COL15A1: variants seen among roughly 807,000 people sequenced by gnomAD.
The protein encoded by COL15A1 is collagen type XV alpha 1 chain.
A neutral mutation model predicts 165.9 loss-of-function variants in COL15A1; 111 were observed. That is an observed-to-expected ratio of 0.67 (90% CI 0.57 to 0.78). COL15A1 has a LOEUF of 0.78. Ranked by LOEUF, COL15A1 falls within the 30% of genes least tolerant of loss-of-function variation. The probability of loss-of-function intolerance (pLI) is 0.00; values close to 1 mark genes in which losing one functional copy is unlikely to be tolerated. For synonymous variants in COL15A1, 659 were observed against 674.8 expected (o/e 0.98, Z 0.36); for missense variants, 1,745 against 1,789.7 (o/e 0.98, Z 0.45).
intron 16 of COL15A1, among the ~76,000 whole-genome samples, chr9:99,030,444 A>G (rs1270425742): frequency 2.0e-5 from 3 of 152,178 alleles, no homozygotes; most frequent in South Asian, 4.1e-4. Context: ...GCCTGTTCAC[A>G]TAAGTTCCAG....
Position 99,049,696 on chromosome 9 carries a change from C to A in COL15A1, c.2800C>A (p.Pro934Thr). Residue 934 changes from proline (P) to threonine (T), a missense_variant, in exon 29 of 42, where the codon CCT (proline) becomes ACT (threonine). Physicochemically the swap from Pro to Thr is conservative, Grantham distance 38. Coordinates refer to ENST00000375001, the MANE Select transcript of COL15A1 (RefSeq NM_001855.5). The part of the protein sequence containing the change: ...GDPGVIMQGP[P>T]GLPGPPGPPG... ...CCTTTTTTTCTTCCTTCAGGGCCCA[C>A]CTGGCTTACCTGGCCCTCCAGGCCC... The A allele has an allele frequency of 6.2e-7, 1 of 1,613,428 alleles. No individual in the cohort carries two copies. The highest frequency in any genetic ancestry group is 1.8e-4 in the Middle Eastern group (1 of 5,452).
chr9:99,038,152 G>T (rs867096248), intron 21 of COL15A1, among the ~76,000 whole-genome samples: 1 of 152,110 alleles, frequency 6.6e-6, no homozygotes, highest in Non-Finnish European at 1.5e-5. Context: ...TATGTGTAAG[G>T]GTGTGGGGAA....
intron 16 of COL15A1, among the ~76,000 whole-genome samples, chr9:99,031,362 A>G (rs768502914): frequency 6.6e-6 from 1 of 152,160 alleles, no homozygotes; most frequent in Non-Finnish European, 1.5e-5. Flanking sequence ...CCCCCAGGTG[A>G]GAGGCATTTG....
chr9:99,055,239 A>G (rs764571495), intron 33 of COL15A1, 23 bp from the exon 34 acceptor site: 16 of 1,593,940 alleles, frequency 1.0e-5, no homozygotes, highest in Non-Finnish European at 9.5e-6. Context: ...TTACTGAAAT[A>G]TTCCTGTGTT....
chr9:99,013,669 A>G (rs752323128), intron 9 of COL15A1, among the ~76,000 whole-genome samples: 2 of 152,172 alleles, frequency 1.3e-5, no homozygotes, highest in Middle Eastern at 3.2e-3. Flanking sequence ...GTATAAGGTA[A>G]TCTCTGGTAC....
At chr9:99,040,375 C>T (rs1034262979) in intron 22 of COL15A1, 146 bp from the exon 23 acceptor site, 1 of 1,311,128 alleles carries the variant, frequency 7.6e-7, no homozygotes, top group Non-Finnish European at 1.1e-6. Context: ...CTCACAGGGC[C>T]CCTTCTTCCC....
intron 2 of COL15A1, among the ~76,000 whole-genome samples, chr9:98,959,227 C>CAAAAAAAAAAAAAA (rs60892848): frequency 1.4e-5 from 1 of 73,232 alleles, no homozygotes; most frequent in Non-Finnish European, 2.6e-5. Context: ...CCTGTCTCTA[C>CAAAAAAAAAAAAAA]AAAAAAAAAA....
intron 6 of COL15A1, among the ~76,000 whole-genome samples, chr9:98,999,457 T>C (rs1838609737): frequency 6.6e-6 from 1 of 151,536 alleles, no homozygotes; most frequent in African/African-American, 2.4e-5. Flanking sequence ...TGGGACAATC[T>C]TGGCATGGGC....
chr9:98,957,917 C>T (rs1837802437), intron 2 of COL15A1, among the ~76,000 whole-genome samples: 1 of 152,202 alleles, frequency 6.6e-6, no homozygotes, highest in East Asian at 1.9e-4. Context: ...TGGTCTCAAA[C>T]TCCTGGTACA....
intron 35 of COL15A1, among the ~76,000 whole-genome samples, chr9:99,058,319 G>A (rs771346250): frequency 4.6e-5 from 7 of 152,176 alleles, no homozygotes; most frequent in East Asian, 1.9e-4. Context: ...CCAGGAGGTC[G>A]GATCACATGA....
intron 2 of COL15A1, among the ~76,000 whole-genome samples, chr9:98,981,737 G>A (rs1385466237): frequency 2.0e-5 from 3 of 152,190 alleles, no homozygotes; most frequent in Non-Finnish European, 4.4e-5. Context: ...AGAGTTCATG[G>A]GAGCTTCAGC....
At chr9:98,990,711 C>T (rs2118904517) in intron 5 of COL15A1, among the ~76,000 whole-genome samples, 1 of 152,224 alleles carries the variant, frequency 6.6e-6, no homozygotes, top group Admixed American at 6.5e-5. Context: ...TGGGAGGGGG[C>T]ACCAGAGCTG....
At chr9:99,061,260 G>A (rs899025559) in intron 36 of COL15A1, among the ~76,000 whole-genome samples, 1 of 152,132 alleles carries the variant, frequency 6.6e-6, no homozygotes, top group African/African-American at 2.4e-5. Context: ...TTCAAGGCTA[G>A]GTGAAAATTA....
At position 98,952,719 on chromosome 9, in the gene COL15A1, C is replaced by T. The variant is rs1837710004; in HGVS notation, c.100+8469C>T. Among the ~76,000 whole-genome samples the T allele has an allele frequency of 3.9e-5, 6 of 152,212 alleles. No individual in the cohort carries two copies. The South Asian group carries it at 1.2e-3, about 32-fold the overall frequency. ...GGTATAATCTAAAGCCAGTTCTTTTCCAAAGTGGTCCCCAGGTTTCCCCCA... is the reference window on the plus strand; with the variant it reads ...GGTATAATCTAAAGCCAGTTCTTTTTCAAAGTGGTCCCCAGGTTTCCCCCA... On this transcript the variant is annotated intron_variant, in intron 2 of 41. Coordinates refer to ENST00000375001, the MANE Select transcript of COL15A1 (RefSeq NM_001855.5).
chr9:99,004,759 G>A, intron 8 of COL15A1, 139 bp from the exon 9 acceptor site: 1 of 902,244 alleles, frequency 1.1e-6, no homozygotes, highest in Non-Finnish European at 1.8e-6. Flanking sequence ...TCTGTCTGAT[G>A]TCTCACTGTG....
intron 9 of COL15A1, among the ~76,000 whole-genome samples, chr9:99,010,314 C>T (rs1002267319): frequency 6.6e-6 from 1 of 152,190 alleles, no homozygotes; most frequent in Non-Finnish European, 1.5e-5. Context: ...ATGTAACCTG[C>T]CATGATCCCT....
Position 99,069,929 on chromosome 9 carries a change from T to C in COL15A1, c.*43T>C. On this transcript the variant is annotated 3_prime_UTR_variant, in exon 42 of 42. Coordinates refer to ENST00000375001, the MANE Select transcript of COL15A1 (RefSeq NM_001855.5). Reference sequence around the variant, plus strand: ...TTAAAGAGTTTTCAATTTTTTCTTATGTGAAGAGTTGACACTGAAATCTAA... The same window carrying C: ...TTAAAGAGTTTTCAATTTTTTCTTACGTGAAGAGTTGACACTGAAATCTAA... The C allele has an allele frequency of 1.4e-6, 2 of 1,478,360 alleles. No individual in the cohort carries two copies. The highest frequency in any genetic ancestry group is 2.3e-5 in the East Asian group (1 of 43,446). 91.6% of individuals were successfully genotyped at this position (1,478,360 alleles called of 1,614,324 possible). A position where few individuals can be genotyped will look rare whatever the true frequency, so the allele number is the denominator to read the frequency against.
Position 99,047,968 on chromosome 9 carries a change from G to A in COL15A1, c.2761G>A (p.Gly921Ser). The change falls in exon 28 of 42, where the codon GGT becomes AGT. Residue 921 changes from glycine (G) to serine (S), a missense_variant. Coordinates refer to ENST00000375001, the MANE Select transcript of COL15A1 (RefSeq NM_001855.5). Reference protein sequence around the residue: ...PGRPGLNGLKGTKGDPGVIMQ... With the variant: ...PGRPGLNGLKSTKGDPGVIMQ... The stretch of plus-strand genomic sequence containing the variant: ...TCGCCCAGGACTGAATGGCCTCAAG[G>A]GTACCAAAGGAGATCCAGGGGTCAT... 6.2e-7 allele frequency: 1 copy of A among 1,603,510 alleles called. No homozygotes were observed. The highest frequency in any genetic ancestry group is 8.5e-7 in the Non-Finnish European group (1 of 1,172,932).
chr9:99,022,578 G>A (rs370380001), intron 13 of COL15A1, among the ~76,000 whole-genome samples: 1 of 152,062 alleles, frequency 6.6e-6, no homozygotes, highest in African/African-American at 2.4e-5. Flanking sequence ...TCTCTTGGGC[G>A]ATGGCACCAG....
Sources: allele counts gnomAD v4.1 joint callset (sites outside exome capture counted in the v4.1 genomes callset), GRCh38; gene constraint gnomAD v4.1.1; transcripts MANE v1.5; gene names NCBI Gene and HGNC (gene_info 2026-07-23, HGNC 2026-07-21).